Variants in SFMBT2 observed in about 807,000 individuals in gnomAD.
SFMBT2 encodes the protein scm-like with four MBT domains protein 2.
Under a neutral mutation model 110.1 loss-of-function variants are expected in SFMBT2, and 38 were observed. The ratio of observed to expected loss-of-function variants is 0.35; its 90% CI spans 0.27 to 0.45. The LOEUF (loss-of-function observed/expected upper bound fraction) is 0.45, where lower values mean the gene tolerates loss of function less well. SFMBT2 is among the 20% of genes least tolerant of loss of function. The pLI is 1.00. For missense variants in SFMBT2, 1,011 were observed against 1,094.9 expected (o/e 0.92, Z 1.08); for synonymous variants, 425 against 425.4 (o/e 1.00, Z 0.01).
At chr10:7,377,799 C>T (rs944926402) in intron 2 of SFMBT2, among the ~76,000 whole-genome samples, 3 of 152,172 alleles carry the variant, frequency 2.0e-5, no homozygotes, top group Non-Finnish European at 4.4e-5. Context: ...TGTGGTGCAG[C>T]CCAGTTCGTA....
At chr10:7,277,704 T>C (rs895792971) in intron 6 of SFMBT2, among the ~76,000 whole-genome samples, 5 of 152,278 alleles carry the variant, frequency 3.3e-5, no homozygotes, top group Non-Finnish European at 7.4e-5. Flanking sequence ...TTTTATGGCC[T>C]GATCTCAACA....
At chr10:7,289,132 T>C (rs1489075992) in intron 4 of SFMBT2, among the ~76,000 whole-genome samples, 1 of 152,150 alleles carries the variant, frequency 6.6e-6, no homozygotes, top group Non-Finnish European at 1.5e-5. Context: ...AATGCAGGCA[T>C]GATGGAGATA....
intron 1 of SFMBT2, among the ~76,000 whole-genome samples, chr10:7,405,124 C>A (rs181493218): frequency 7.6e-4 from 116 of 152,264 alleles, no homozygotes; most frequent in Non-Finnish European, 1.3e-3. Flanking sequence ...CAAACCTGAA[C>A]CCTAGGAACG....
intron 11 of SFMBT2, among the ~76,000 whole-genome samples, chr10:7,216,067 A>T (rs1355694071): frequency 6.6e-6 from 1 of 152,328 alleles, no homozygotes; most frequent in Middle Eastern, 3.4e-3. Flanking sequence ...CATGATTGCC[A>T]TTTTAGAAAT....
At chr10:7,409,587 A>G (rs961931394) in intron 1 of SFMBT2, among the ~76,000 whole-genome samples, 1 of 151,688 alleles carries the variant, frequency 6.6e-6, no homozygotes, top group African/African-American at 2.4e-5. Context: ...GGCCAGGGGC[A>G]CTTCTCCATC....
chr10:7,344,839 G>A (rs1844054321), intron 4 of SFMBT2, among the ~76,000 whole-genome samples: 1 of 151,094 alleles, frequency 6.6e-6, no homozygotes, highest in African/African-American at 2.4e-5. Context: ...GGTGCCTGTA[G>A]TCCCAGCTAC....
At chr10:7,287,094 T>TC (rs973088118) in intron 4 of SFMBT2, among the ~76,000 whole-genome samples, 7 of 147,734 alleles carry the variant, frequency 4.7e-5, no homozygotes, top group African/African-American at 1.7e-4. Flanking sequence ...TTTTTTTTTT[T>TC]TTTTTGAGAC....
chr10:7,365,043 A>G (rs992544157), intron 4 of SFMBT2, among the ~76,000 whole-genome samples: 3 of 152,152 alleles, frequency 2.0e-5, no homozygotes, highest in African/African-American at 4.8e-5. Context: ...AGATCTAACA[A>G]TCTCCCTCAG....
At chr10:7,263,839 T>G (rs942099497) in intron 7 of SFMBT2, among the ~76,000 whole-genome samples, 17 of 152,310 alleles carry the variant, frequency 1.1e-4, no homozygotes, top group African/African-American at 4.1e-4. Flanking sequence ...CCTTACCCCT[T>G]TGGCTGTACC....
At chr10:7,338,574 G>A (rs1171819212) in intron 4 of SFMBT2, among the ~76,000 whole-genome samples, 1 of 152,068 alleles carries the variant, frequency 6.6e-6, no homozygotes, top group East Asian at 1.9e-4. Context: ...TCATCATAAA[G>A]GTCTTCACCC....
At chr10:7,178,045 A>T (rs915780603) in intron 16 of SFMBT2, among the ~76,000 whole-genome samples, 16 of 152,276 alleles carry the variant, frequency 1.1e-4, no homozygotes, top group Middle Eastern at 3.4e-3. Flanking sequence ...CTGAGAGAAT[A>T]AACATCGTTG....
intron 7 of SFMBT2, among the ~76,000 whole-genome samples, chr10:7,256,674 A>T (rs541550297): frequency 6.6e-6 from 1 of 152,298 alleles, no homozygotes; most frequent in Non-Finnish European, 1.5e-5. Flanking sequence ...ATGCGATGTT[A>T]TCGATGTTAA....
At chr10:7,315,812 C>G (rs1379331884) in intron 4 of SFMBT2, among the ~76,000 whole-genome samples, 22 of 152,184 alleles carry the variant, frequency 1.4e-4, no homozygotes, top group Non-Finnish European at 1.5e-5. Context: ...CCTCGGTTTC[C>G]ACAGGGACAA....
At chr10:7,226,477 A>C (rs942435) in intron 10 of SFMBT2, among the ~76,000 whole-genome samples, 139,797 of 152,320 alleles carry the variant, frequency 0.92, 64,180 homozygotes, top group Admixed American at 0.93. Context: ...CAGCAACGAA[A>C]CCGCAAGCTC....
intron 7 of SFMBT2, among the ~76,000 whole-genome samples, chr10:7,274,443 CGG>C (rs898837441): frequency 1.8e-4 from 28 of 152,298 alleles, no homozygotes; most frequent in African/African-American, 6.7e-4. Context: ...ATCATGCAGG[CGG>C]TTTCTCCCAT....
chr10:7,294,524 G>T (rs1842350077), intron 4 of SFMBT2, among the ~76,000 whole-genome samples: 1 of 152,162 alleles, frequency 6.6e-6, no homozygotes. Flanking sequence ...GTCAAATGCT[G>T]CTGATAGGAC....
At position 7,367,582 on chromosome 10, in the gene SFMBT2, T is replaced by C. The variant is rs1844946908; in HGVS notation, c.436+67A>G. On this transcript the variant is annotated intron_variant, in intron 4 of 20. Coordinates refer to ENST00000397167, the MANE Select transcript of SFMBT2 (RefSeq NM_001387889.1). This position sits in a 1 kb window ranked among gnomAD's most constrained non-coding sequence, Gnocchi z 6.2. The stretch of plus-strand genomic sequence containing the variant: ...TTCTACGCAAGGTTCTCTCTGCTCC[T>C]TGCAAAATTACAGGCGTCATGAAGG... 3 of 1,562,994 alleles carry C rather than the reference T, an allele frequency of 1.9e-6. No homozygotes were observed. The highest frequency in any genetic ancestry group is 2.4e-5 in the South Asian group (2 of 83,440).
intron 7 of SFMBT2, among the ~76,000 whole-genome samples, chr10:7,259,111 G>T (rs569400159): frequency 6.6e-6 from 1 of 152,128 alleles, no homozygotes; most frequent in Non-Finnish European, 1.5e-5. Flanking sequence ...TAACTCAACT[G>T]CTGTCATGGA....
intron 4 of SFMBT2, among the ~76,000 whole-genome samples, chr10:7,287,794 T>C (rs1029482799): frequency 3.3e-5 from 5 of 152,200 alleles, no homozygotes; most frequent in Non-Finnish European, 7.3e-5. Flanking sequence ...AAGTTGGCCA[T>C]AAGGGTGTGG....
Sources: gnomAD v4.1 joint callset for allele counts (sites outside exome capture counted in the v4.1 genomes callset) on GRCh38, gnomAD v4.1.1 for gene constraint, Gnocchi (gnomAD v3.1) non-coding constraint, MANE v1.5 for transcripts, NCBI Gene and HGNC (gene_info 2026-07-23, HGNC 2026-07-21) for gene names.